Variants in CDH16 observed in about 807,000 individuals in gnomAD.
The protein encoded by CDH16 is cadherin 16.
A neutral mutation model predicts 87.6 loss-of-function variants in CDH16; 79 were observed. The observed-to-expected ratio is 0.90, with a 90% confidence interval of 0.75 to 1.09. The LOEUF is 1.09. CDH16 is among the 50% of genes least tolerant of loss of function. The probability of loss-of-function intolerance (pLI) is 0.00; values close to 1 mark genes in which losing one functional copy is unlikely to be tolerated. For missense variants in CDH16, 1,124 were observed against 1,071.7 expected, an observed-to-expected ratio of 1.05 and a Z score of -0.68; for synonymous variants, 457 against 439.5, an observed-to-expected ratio of 1.04 and a Z score of -0.50.
chr16:66,909,149 T>A lies in CDH16; in HGVS notation c.2392+118A>T. ...GGCAGGCGCATAATGACTAGGAGAG[T>A]TGGGGGCTTCCTTTTTCAGAGCTAG... is the stretch of plus-strand genomic sequence containing the variant. On this transcript the variant is annotated intron_variant, in intron 17 of 17. Transcript: ENST00000299752. The surrounding 1 kb of genome is among the most constrained non-coding windows in gnomAD (Gnocchi z 4.1). 1 of 721,112 alleles carries A rather than the reference T, an allele frequency of 1.4e-6. No individual in the cohort carries two copies. Among genetic ancestry groups the A allele is most frequent in the Non-Finnish European group, 2.5e-6 (1 of 394,286 alleles). The allele number at this position is 721,112 out of a possible 1,614,324, so 44.7% of individuals were successfully genotyped here. A position where few individuals can be genotyped will look rare whatever the true frequency, so the allele number is the denominator to read the frequency against.
In CDH16 at chr16:66,916,242, C is replaced by A; in HGVS notation, c.285+32G>T. The A allele has an allele frequency of 6.2e-7, 1 of 1,614,134 alleles. No individual in the cohort carries two copies. Among genetic ancestry groups the A allele is most frequent in the South Asian group, 1.1e-5 (1 of 91,088 alleles). ...GGAGTCAGCGTCTGGCTCTGCCTTG[C>A]CTGCTCTCCCCTACACCTGGCCCAG... On this transcript the variant is annotated intron_variant, in intron 4 of 17. Transcript: ENST00000299752. This position sits in a 1 kb window ranked among gnomAD's most constrained non-coding sequence, Gnocchi z 4.1.
Position 66,908,251 on chromosome 16 carries a change from G to A in CDH16, c.*141C>T. 1.5e-6 allele frequency: 1 copy of A among 650,728 alleles called. No homozygotes were observed. The highest frequency in any genetic ancestry group is 1.8e-5 in the South Asian group (1 of 55,142). 40.3% of individuals were successfully genotyped at this position (650,728 alleles called of 1,614,324 possible). On this transcript the variant is annotated 3_prime_UTR_variant, in exon 18 of 18. Transcript: ENST00000299752. The stretch of plus-strand genomic sequence containing the variant: ...GGCTCTGCAGACATGCCTGGTGATG[G>A]TGATGGTGCCTCCACCCCAGGGCAG...
chr16:66,910,616 T>C (rs1030070214), intron 14 of CDH16, 114 bp from the exon 15 acceptor site: 7 of 1,122,052 alleles, frequency 6.2e-6, no homozygotes, highest in African/African-American at 3.2e-5. Flanking sequence ...TCCCCTGCCA[T>C]GCTCCCTCCA....
At chr16:66,918,411 T>C (rs1299730770) in intron 1 of CDH16, among the ~76,000 whole-genome samples, 1 of 152,248 alleles carries the variant, frequency 6.6e-6, no homozygotes, top group Non-Finnish European at 1.5e-5. Context: ...TCACAAAAGT[T>C]TGAAGCTGGA....
Position 66,917,651 on chromosome 16 carries a change from G to A in CDH16, c.120C>T (p.Tyr40=). 9 of 1,612,964 alleles carry A rather than the reference G, an allele frequency of 5.6e-6. No homozygotes were observed. Among genetic ancestry groups the A allele is most frequent in the African/African-American group, 2.7e-5 (2 of 75,044 alleles). ...CAGCTCTCCGGCTCACCTTGGTCAG[G>A]TATAAAGGGAAATTTCCACCATAGT... ...PENYGGNFPL[Y]LTKLPLPREG... Residue 40 remains tyrosine (Y), a synonymous_variant, in exon 3 of 18, where the codon TAC becomes TAT. Coordinates refer to ENST00000299752, the MANE Select transcript of CDH16 (RefSeq NM_004062.4).
In CDH16 at chr16:66,908,359, G is replaced by T; in HGVS notation, c.*33C>A. 1 of 1,575,354 alleles carries T rather than the reference G, an allele frequency of 6.3e-7. No homozygotes were observed. The highest frequency in any genetic ancestry group is 8.7e-7 in the Non-Finnish European group (1 of 1,146,236). On this transcript the variant is annotated 3_prime_UTR_variant, in exon 18 of 18. Coordinates refer to ENST00000299752, the MANE Select transcript of CDH16 (RefSeq NM_004062.4). ...CCCAGGGGACTCAGATGGAGCCAGA[G>T]GCCAAGCTCCCAGCTAGAGCTGCCT...
chr16:66,917,043 T>C (rs1159076791), intron 3 of CDH16, among the ~76,000 whole-genome samples: 1 of 151,074 alleles, frequency 6.6e-6, no homozygotes, highest in Non-Finnish European at 1.5e-5. Context: ...CCCAGCACTT[T>C]GGGAGCCCAA....
intron 17 of CDH16, among the ~76,000 whole-genome samples, chr16:66,908,749 G>A (rs530404604): frequency 3.9e-5 from 6 of 152,310 alleles, no homozygotes; most frequent in Non-Finnish European, 7.3e-5. Context: ...CGGGGAACCA[G>A]TAAGTTGGAT....
At chr16:66,908,516 G>A (rs1962259601) in intron 17 of CDH16, 27 bp from the exon 18 acceptor site, 3 of 1,549,876 alleles carry the variant, frequency 1.9e-6, no homozygotes, top group South Asian at 1.1e-5. Context: ...GGATGTATCA[G>A]GCCTCAGAAG....
At position 66,909,011 on chromosome 16, in the gene CDH16, C is replaced by T. The variant is rs1320955087; in HGVS notation, c.2392+256G>A. On this transcript the variant is annotated intron_variant, in intron 17 of 17. Transcript: ENST00000299752. The surrounding 1 kb of genome is among the most constrained non-coding windows in gnomAD (Gnocchi z 4.1). ...AAAATGGGGAGATACCAGGATCTAC[C>T]TCACAGGGTTGCTGGGAGGATTCCT... Among the ~76,000 whole-genome samples, 1 of 152,170 alleles carries T rather than the reference C, an allele frequency of 6.6e-6. No individual in the cohort carries two copies. The highest frequency in any genetic ancestry group is 1.5e-5 in the Non-Finnish European group (1 of 68,028).
At chr16:66,910,580 C>T in intron 14 of CDH16, 78 bp from the exon 15 acceptor site, 6 of 1,404,816 alleles carry the variant, frequency 4.3e-6, no homozygotes, top group East Asian at 2.5e-5. Context: ...GCTGCTCCCG[C>T]AGCCCATGAG....
rs927115044 is a variant in CDH16, at chr16:66,909,565, G to A, written c.2276-182C>T. Among the ~76,000 whole-genome samples the A allele has an allele frequency of 2.6e-5, 4 of 152,178 alleles. No individual in the cohort carries two copies. Among genetic ancestry groups the A allele is most frequent in the African/African-American group, 9.7e-5 (4 of 41,434 alleles). ...TCACACCTGTAATCCCAGCCCTTTG[G>A]GAGGCCGAAATGGGTGGATCACTTA... On this transcript the variant is annotated intron_variant, in intron 16 of 17. Coordinates refer to ENST00000299752, the MANE Select transcript of CDH16 (RefSeq NM_004062.4). The surrounding 1 kb of genome is among the most constrained non-coding windows in gnomAD (Gnocchi z 4.1).
chr16:66,910,981 G>C, intron 14 of CDH16: 2 of 545,206 alleles, frequency 3.7e-6, no homozygotes, highest in South Asian at 2.6e-5. Flanking sequence ...TGATCAGAGA[G>C]GGGAGGCAGA....
In CDH16 at chr16:66,918,077, G is replaced by A; in HGVS notation, c.-12C>T. ...CAGGCAGGGACCATGGTCAGGACAG[G>A]CCTGAGGGACACGGCAGTGAGGATC... On this transcript the variant is annotated splice_region_variant and 5_prime_UTR_variant, in exon 2 of 18. Transcript: ENST00000299752. 1.3e-6 allele frequency: 2 copies of A among 1,573,666 alleles called. No homozygotes were observed. Among genetic ancestry groups the A allele is most frequent in the South Asian group, 2.3e-5 (2 of 85,128 alleles).
In CDH16 at chr16:66,913,561, C is replaced by T. The variant is rs775105850; in HGVS notation, c.833G>A (p.Gly278Glu). Residue 278 changes from glycine to glutamate, a missense_variant, in exon 8 of 18, where the codon GGA becomes GAA. By Grantham distance (98) the Gly-to-Glu change is moderately conservative. Transcript: ENST00000299752. ...VHYHLESHPPGPFEVNAEGNL... is the reference protein window; with the variant it reads ...VHYHLESHPPEPFEVNAEGNL... Reference sequence around the variant, plus strand: ...TCCCTCTGCATTCACTTCAAAGGGTCCCGGGGGATGGCTCTCCAGGTGATA... The same window carrying T: ...TCCCTCTGCATTCACTTCAAAGGGTTCCGGGGGATGGCTCTCCAGGTGATA... 6.2e-7 allele frequency: 1 copy of T among 1,614,118 alleles called. No homozygotes were observed. The highest frequency in any genetic ancestry group is 8.5e-7 in the Non-Finnish European group (1 of 1,179,984).
chr16:66,916,394 G>A lies in CDH16; in HGVS notation c.165C>T (p.Ile55=), dbSNP rs766418561. The change falls in exon 4 of 18, where the codon ATC becomes ATT. Residue 55 remains isoleucine (I), a synonymous_variant. Transcript: ENST00000299752. The surrounding 1 kb of genome is among the most constrained non-coding windows in gnomAD (Gnocchi z 4.1). ...CCTTGCCTGAGTCCCCTGACAGCAC[G>A]ATCTGGCCTTCAGCCCCCTCACGGG... is the stretch of plus-strand genomic sequence containing the variant. ...PLPREGAEGQ[I]VLSGDSGKAT... The A allele has an allele frequency of 4.8e-5, 78 of 1,612,356 alleles. No individual in the cohort carries two copies. Among genetic ancestry groups the A allele is most frequent in the Non-Finnish European group, 5.9e-5 (70 of 1,178,944 alleles).
Position 66,909,534 on chromosome 16 carries a change from G to C in CDH16, c.2276-151C>G. 3.1e-6 allele frequency: 2 copies of C among 637,676 alleles called. No homozygotes were observed. Among genetic ancestry groups the C allele is most frequent in the Non-Finnish European group, 5.6e-6 (2 of 356,366 alleles). The allele number at this position is 637,676 out of a possible 1,614,324, so 39.5% of individuals were successfully genotyped here. A position where few individuals can be genotyped will look rare whatever the true frequency, so the allele number is the denominator to read the frequency against. ...GAAGATATATGCGCTAGCCAGGCGT[G>C]GTGGCTCACACCTGTAATCCCAGCC... On this transcript the variant is annotated intron_variant, in intron 16 of 17. Coordinates refer to ENST00000299752, the MANE Select transcript of CDH16 (RefSeq NM_004062.4). The surrounding 1 kb of genome is among the most constrained non-coding windows in gnomAD (Gnocchi z 4.1).
intron 5 of CDH16, among the ~76,000 whole-genome samples, chr16:66,915,691 G>A (rs1327328275): frequency 2.6e-5 from 4 of 152,122 alleles, no homozygotes; most frequent in African/African-American, 4.8e-5. Flanking sequence ...CCAGGAGTTC[G>A]AGACCAGCCT....
At position 66,916,331 on chromosome 16, in the gene CDH16, G is replaced by A; in HGVS notation, c.228C>T (p.Gly76=). 1 of 1,614,166 alleles carries A rather than the reference G, an allele frequency of 6.2e-7. No homozygotes were observed. Among genetic ancestry groups the A allele is most frequent in the East Asian group, 2.2e-5 (1 of 44,888 alleles). Residue 76 remains glycine, a synonymous_variant, in exon 4 of 18, where the codon GGC becomes GGT. Transcript: ENST00000299752. This position sits in a 1 kb window ranked among gnomAD's most constrained non-coding sequence, Gnocchi z 4.1. The part of the protein sequence containing the change: ...EGPFAMDPDS[G]FLLVTRALDR... ...CCAGGGCCCTGGTCACCAGCAGGAA[G>A]CCAGAATCTGGATCCATAGCAAATG... is the stretch of plus-strand genomic sequence containing the variant.
Sources: allele counts gnomAD v4.1 joint callset (sites outside exome capture counted in the v4.1 genomes callset), GRCh38; gene constraint gnomAD v4.1.1; non-coding constraint Gnocchi (gnomAD v3.1); transcripts MANE v1.5; gene names NCBI Gene and HGNC (gene_info 2026-07-23, HGNC 2026-07-21).